The following SLC30A6 variants were observed in gnomAD, a reference collection of about 807,000 sequenced individuals.
SLC30A6 encodes the protein zinc transporter 6.
A neutral mutation model predicts 63.0 loss-of-function variants in SLC30A6; 55 were observed. The observed-to-expected ratio is 0.87, with a 90% CI of 0.70 to 1.09. The LOEUF is 1.09. Ranked by LOEUF, SLC30A6 falls within the 50% of genes least tolerant of loss-of-function variation. SLC30A6 has a pLI of 0.00. For synonymous variants in SLC30A6, 224 were observed against 186.1 expected, an observed-to-expected ratio of 1.20 and a Z score of -1.66; for missense variants, 587 against 549.2, an observed-to-expected ratio of 1.07 and a Z score of -0.69.
chr2:32,205,662 CTTTT>C (rs745414068), intron 11 of SLC30A6, among the ~76,000 whole-genome samples: 2 of 87,198 alleles, frequency 2.3e-5, no homozygotes, highest in East Asian at 3.4e-4. Flanking sequence ...AATGTTACTT[CTTTT>C]TTTTTTTTTT....
intron 13 of SLC30A6, among the ~76,000 whole-genome samples, chr2:32,211,052 AG>A (rs1254311749): frequency 6.6e-6 from 1 of 152,132 alleles, no homozygotes; most frequent in Admixed American, 6.5e-5. Flanking sequence ...GCTGCTTTTA[AG>A]CTAATTTTCT....
rs1038931213 is a variant in SLC30A6, at chr2:32,223,431, T to C, written c.*2718T>C. 1 of 152,256 alleles carries C rather than the reference T, an allele frequency of 6.6e-6. No individual in the cohort carries two copies. Among genetic ancestry groups the C allele is most frequent in the Non-Finnish European group, 1.5e-5 (1 of 68,048 alleles). 9.4% of individuals were successfully genotyped at this position (152,256 alleles called of 1,614,324 possible). On this transcript the variant is annotated 3_prime_UTR_variant, in exon 14 of 14. Coordinates refer to ENST00000282587, the MANE Select transcript of SLC30A6 (RefSeq NM_017964.5). Reference sequence around the variant, plus strand: ...GCTGCCACTGTGTAAGGAAGTAGTTTTATAACCCATGGGCAAATCATCTGA... The same window carrying C: ...GCTGCCACTGTGTAAGGAAGTAGTTCTATAACCCATGGGCAAATCATCTGA...
chr2:32,209,457 C>T (rs543939703), intron 12 of SLC30A6, 36 bp from the exon 13 acceptor site: 2 of 1,546,938 alleles, frequency 1.3e-6, no homozygotes, highest in Admixed American at 1.9e-5. Flanking sequence ...ATGTTAAGTA[C>T]AGACAACTCT....
chr2:32,209,711 C>T (rs1315588543), intron 13 of SLC30A6, 150 bp downstream of exon 13: 1 of 666,342 alleles, frequency 1.5e-6, no homozygotes, highest in Non-Finnish European at 2.4e-6. Context: ...AATTCAATTA[C>T]CTAATTGAGG....
rs1558426610 is a variant in SLC30A6 at position 32,213,814 on chromosome 2, TTTG to T, written c.885+4256_885+4258del. ...GGATAAACTTTTTTTTTTTTTTGTT[TTTG>T]TTTTGAGACGGAGTCTCACACTGTC... On this transcript the variant is annotated intron_variant, in intron 13 of 13. Transcript: ENST00000282587. Among the ~76,000 whole-genome samples the T allele has an allele frequency of 3.7e-4, 53 of 142,822 alleles. 4 individuals are homozygous for T. Among genetic ancestry groups the T allele is most frequent in the Non-Finnish European group, 5.8e-4 (38 of 65,664 alleles). The allele number at this position is 142,822 out of a possible 152,430, so 93.7% of individuals were successfully genotyped here.
rs1052159255 is a variant in SLC30A6, at chr2:32,193,349, A to C, written c.401+396A>C. Among the ~76,000 whole-genome samples the C allele has an allele frequency of 8.5e-5, 13 of 152,100 alleles. 1 individual carries two copies. Among genetic ancestry groups the C allele is most frequent in the Admixed American group, 8.5e-4 (13 of 15,250 alleles). ...CAGCACTTTGGGAGGCTAAGGCAGG[A>C]GGATCGCTTGAGTTCAGGAGTTCAA... On this transcript the variant is annotated intron_variant, in intron 7 of 13. Transcript: ENST00000282587.
chr2:32,217,163 G>T (rs1438559773), intron 13 of SLC30A6, among the ~76,000 whole-genome samples: 1 of 151,974 alleles, frequency 6.6e-6, no homozygotes, highest in Non-Finnish European at 1.5e-5. Flanking sequence ...CACCCAAAGT[G>T]CTGGGATTAC....
At chr2:32,219,790 T>A (rs1288655933) in intron 13 of SLC30A6, among the ~76,000 whole-genome samples, 2 of 152,194 alleles carry the variant, frequency 1.3e-5, no homozygotes, top group African/African-American at 4.8e-5. Flanking sequence ...ATGCCATACA[T>A]TTTCATTGCT....
rs533938085 is a variant in SLC30A6, at chr2:32,223,960, G to C, written c.*3247G>C. On this transcript the variant is annotated 3_prime_UTR_variant, in exon 14 of 14. Transcript: ENST00000282587. ...TTTCAAGCTTCTGATTTAGCTGTTT[G>C]TAAACTTCCAAGTTTTGCTTGACTA... 1 of 152,210 alleles carries C rather than the reference G, an allele frequency of 6.6e-6. No individual in the cohort carries two copies. Among genetic ancestry groups the C allele is most frequent in the African/African-American group, 2.4e-5 (1 of 41,430 alleles). The allele number at this position is 152,210 out of a possible 1,614,324, so 9.4% of individuals were successfully genotyped here. A position where few individuals can be genotyped will look rare whatever the true frequency, so the allele number is the denominator to read the frequency against.
At chr2:32,173,790 A>G (rs1302427572) in intron 2 of SLC30A6, among the ~76,000 whole-genome samples, 1 of 152,188 alleles carries the variant, frequency 6.6e-6, no homozygotes, top group Non-Finnish European at 1.5e-5. Context: ...CGATATGCAT[A>G]TGTATGTGTA....
Position 32,206,889 on chromosome 2 carries a change from ACAC to A in SLC30A6, c.777_779del (p.Pro260del), listed in dbSNP as rs1684820130. 1 of 1,611,774 alleles carries A rather than the reference ACAC, an allele frequency of 6.2e-7. No homozygotes were observed. Among genetic ancestry groups the A allele is most frequent in the East Asian group, 2.2e-5 (1 of 44,834 alleles). On this transcript the variant is annotated inframe_deletion, in exon 12 of 14. Transcript: ENST00000282587. ...ATTTTATTGTATTTTTCCCCAGACA[ACAC>A]CACCCCATGTTATTGGTCAGTTGGA... is the stretch of plus-strand genomic sequence containing the variant.
chr2:32,192,572 C>G (rs1447248807), intron 6 of SLC30A6, among the ~76,000 whole-genome samples, 156 bp downstream of exon 6: 1 of 152,090 alleles, frequency 6.6e-6, no homozygotes, highest in African/African-American at 2.4e-5. Flanking sequence ...CAGACTTTTT[C>G]TTCTGTTTCA....
At chr2:32,217,916 G>T (rs898075464) in intron 13 of SLC30A6, among the ~76,000 whole-genome samples, 3 of 151,440 alleles carry the variant, frequency 2.0e-5, no homozygotes, top group African/African-American at 7.3e-5. Context: ...AGCCACTGCA[G>T]CCTCGACCTC....
rs1409347554 is a variant in SLC30A6 at position 32,209,495 on chromosome 2, A to G, written c.819A>G (p.Val273=). The part of the protein sequence containing the change: ...IGQLDKLIRE[V]STLDGVLEVR... ...TCACCTCTTTCTGTTTTTGGTAGGTATCTACCTTAGATGGAGTTTTAGAAG... is the reference window on the plus strand; with the variant it reads ...TCACCTCTTTCTGTTTTTGGTAGGTGTCTACCTTAGATGGAGTTTTAGAAG... The change falls in exon 13 of 14, where the codon GTA becomes GTG. Residue 273 remains valine (V), a splice_region_variant and synonymous_variant. Transcript: ENST00000282587. The G allele has an allele frequency of 2.5e-6, 4 of 1,609,054 alleles. No individual in the cohort carries two copies. The highest frequency in any genetic ancestry group is 1.3e-5 in the African/African-American group (1 of 74,570).
chr2:32,193,042 A>T, intron 7 of SLC30A6, 89 bp downstream of exon 7: 1 of 829,544 alleles, frequency 1.2e-6, no homozygotes, highest in Non-Finnish European at 1.9e-6. Flanking sequence ...GTCAGATTTC[A>T]GACTGTGGCA....
intron 5 of SLC30A6, among the ~76,000 whole-genome samples, chr2:32,185,282 G>A (rs565058092): frequency 6.6e-6 from 1 of 151,928 alleles, no homozygotes; most frequent in East Asian, 1.9e-4. Flanking sequence ...GATTGCTTAA[G>A]CCAGGAGTTT....
chr2:32,166,304 G>GA (rs11343460), intron 1 of SLC30A6, among the ~76,000 whole-genome samples: 2,530 of 146,258 alleles, frequency 0.017, 36 homozygotes, highest in Middle Eastern at 0.038. Flanking sequence ...AACGCCAGCG[G>GA]AAAAAAAAAA....
At chr2:32,175,877 G>A (rs1681694429) in intron 4 of SLC30A6, among the ~76,000 whole-genome samples, 1 of 152,120 alleles carries the variant, frequency 6.6e-6, no homozygotes, top group South Asian at 2.1e-4. Context: ...GGAGGGTGAG[G>A]CATAAGACTT....
At chr2:32,198,226 T>C (rs1177779452) in intron 10 of SLC30A6, among the ~76,000 whole-genome samples, 1 of 152,210 alleles carries the variant, frequency 6.6e-6, no homozygotes, top group African/African-American at 2.4e-5. Context: ...CTTAACATGT[T>C]ATGGCATATG....
Sources: allele counts gnomAD v4.1 joint callset (sites outside exome capture counted in the v4.1 genomes callset), GRCh38; gene constraint gnomAD v4.1.1; transcripts MANE v1.5; gene names NCBI Gene and HGNC (gene_info 2026-07-23, HGNC 2026-07-21).